The following SNX29 variants were observed in gnomAD, a reference collection of about 807,000 sequenced individuals.
SNX29 encodes sorting nexin 29.
In SNX29, 78 loss-of-function variants were observed where a neutral mutation model predicts 102.1. That is an observed-to-expected ratio of 0.76 (90% CI 0.64 to 0.92). The LOEUF is 0.92. Among genes scored for constraint, SNX29 ranks in the 40% least tolerant of loss-of-function variants. The pLI is 0.00. For synonymous variants in SNX29, 580 were observed against 414.5 expected (o/e 1.40, Z -4.85); for missense variants, 1,280 against 1,061.7 (o/e 1.21, Z -2.86).
At chr16:12,292,316 G>A (rs377356057) in intron 15 of SNX29, among the ~76,000 whole-genome samples, 1 of 152,188 alleles carries the variant, frequency 6.6e-6, no homozygotes, top group East Asian at 1.9e-4. Context: ...ACTAGAGAGA[G>A]TCTTTTAGGT....
chr16:12,108,370 C>T (rs1165826522), intron 11 of SNX29, among the ~76,000 whole-genome samples: 1 of 152,160 alleles, frequency 6.6e-6, no homozygotes, highest in African/African-American at 2.4e-5. Context: ...GAGTGGCTTC[C>T]ATGAGAAAAA....
At chr16:12,211,399 C>G (rs976031133) in intron 14 of SNX29, among the ~76,000 whole-genome samples, 1 of 152,144 alleles carries the variant, frequency 6.6e-6, no homozygotes, top group African/African-American at 2.4e-5. Flanking sequence ...TGCTGGGCCC[C>G]GGGGTAGCTT....
chr16:12,013,533 A>ATATATATC (rs2056746279), intron 3 of SNX29, among the ~76,000 whole-genome samples: 2 of 120,290 alleles, frequency 1.7e-5, no homozygotes, highest in African/African-American at 6.0e-5. Context: ...ATATATATAT[A>ATATATATC]TATATATATC....
intron 20 of SNX29, chr16:12,527,079 T>A (rs2076804620): frequency 2.3e-6 from 1 of 439,644 alleles, no homozygotes; most frequent in African/African-American, 2.0e-5. Context: ...AGACCCCAGT[T>A]GAAATTAAAC....
intron 15 of SNX29, among the ~76,000 whole-genome samples, chr16:12,297,015 T>C (rs543300663): frequency 1.3e-5 from 2 of 152,304 alleles, no homozygotes; most frequent in African/African-American, 4.8e-5. Flanking sequence ...ACTGTGATAA[T>C]CACAAATGTC....
At chr16:12,534,596 T>TC (rs1234062244) in intron 20 of SNX29, among the ~76,000 whole-genome samples, 2 of 152,192 alleles carry the variant, frequency 1.3e-5, no homozygotes, top group Non-Finnish European at 2.9e-5. Flanking sequence ...TCTGGTATTG[T>TC]CACCTGTTAA....
chr16:12,565,694 A>AG (rs1452727934), intron 20 of SNX29, among the ~76,000 whole-genome samples: 4 of 151,830 alleles, frequency 2.6e-5, no homozygotes, highest in African/African-American at 9.7e-5. Flanking sequence ...CCTTCCAGGA[A>AG]GGGGAAGCAG....
At chr16:12,333,670 C>G (rs1405851269) in intron 15 of SNX29, among the ~76,000 whole-genome samples, 1 of 152,066 alleles carries the variant, frequency 6.6e-6, no homozygotes, top group Non-Finnish European at 1.5e-5. Context: ...CCAGTCCGGA[C>G]TCTCTAATCT....
At chr16:12,465,300 G>T (rs985862655) in intron 18 of SNX29, among the ~76,000 whole-genome samples, 1 of 152,182 alleles carries the variant, frequency 6.6e-6, no homozygotes, top group Admixed American at 6.5e-5. Context: ...GCCAAGACTA[G>T]TGTCTACAAG....
intron 15 of SNX29, among the ~76,000 whole-genome samples, chr16:12,320,062 A>C (rs911257956): frequency 6.6e-6 from 1 of 152,154 alleles, no homozygotes; most frequent in East Asian, 1.9e-4. Context: ...ACCTCTCTGC[A>C]GTCACCTTCC....
chr16:12,175,970 C>T (rs752748918), intron 13 of SNX29, among the ~76,000 whole-genome samples: 6 of 152,000 alleles, frequency 3.9e-5, no homozygotes, highest in African/African-American at 1.2e-4. Flanking sequence ...TGTGTCATTG[C>T]GGTCCAGCCT....
intron 15 of SNX29, among the ~76,000 whole-genome samples, chr16:12,294,661 G>C (rs2079919656): frequency 6.6e-6 from 1 of 152,130 alleles, no homozygotes; most frequent in South Asian, 2.1e-4. Flanking sequence ...TCTCTGGGTA[G>C]GTTCAGGTCC....
At chr16:12,357,946 C>T (rs564821113) in intron 16 of SNX29, among the ~76,000 whole-genome samples, 1 of 152,280 alleles carries the variant, frequency 6.6e-6, no homozygotes, top group Non-Finnish European at 1.5e-5. Context: ...AAATTAGAGG[C>T]TTGGATTCAG....
intron 14 of SNX29, among the ~76,000 whole-genome samples, chr16:12,232,414 G>A (rs1236912619): frequency 2.0e-5 from 3 of 152,154 alleles, no homozygotes; most frequent in Non-Finnish European, 2.9e-5. Flanking sequence ...GTAATCCTTC[G>A]GAGACTGAGG....
intron 5 of SNX29, 36 bp downstream of exon 5, chr16:12,043,113 G>A (rs1296356352): frequency 6.2e-6 from 10 of 1,607,968 alleles, no homozygotes; most frequent in Non-Finnish European, 7.6e-6. Flanking sequence ...ATGGGATGGA[G>A]CAAGAGGTGA....
At chr16:11,981,827 C>T (rs16958792) in intron 1 of SNX29, among the ~76,000 whole-genome samples, 7 of 151,928 alleles carry the variant, frequency 4.6e-5, no homozygotes, top group East Asian at 1.9e-4. Context: ...GGACACCTGA[C>T]GGAAAGCCTC....
rs1430995543 is a variant in SNX29, at chr16:12,569,178, CATT to C, written c.*551_*553del. 4.8e-6 allele frequency: 1 copy of C among 207,482 alleles called. No homozygotes were observed. The highest frequency in any genetic ancestry group is 2.3e-5 in the African/African-American group (1 of 43,024). 12.9% of individuals were successfully genotyped at this position (207,482 alleles called of 1,614,324 possible). On this transcript the variant is annotated 3_prime_UTR_variant, in exon 21 of 21. Coordinates refer to ENST00000566228, the MANE Select transcript of SNX29 (RefSeq NM_032167.5). ...TTTCACTGCATTTTCCACCAACAGT[CATT>C]AGACACCTGGCACTGTCACAGCTCA...
chr16:12,142,785 A>G (rs533213334), intron 13 of SNX29, among the ~76,000 whole-genome samples: 175 of 150,676 alleles, frequency 1.2e-3, no homozygotes, highest in Admixed American at 2.0e-3. Flanking sequence ...CTGATCTCAA[A>G]CTCCTGACCT....
At chr16:12,185,592 C>T (rs2141863834) in intron 13 of SNX29, among the ~76,000 whole-genome samples, 1 of 152,296 alleles carries the variant, frequency 6.6e-6, no homozygotes, top group South Asian at 2.1e-4. Flanking sequence ...TCTGTCTCTG[C>T]TGCATGGCCC....
Sources: allele counts gnomAD v4.1 joint callset (sites outside exome capture counted in the v4.1 genomes callset), GRCh38; gene constraint gnomAD v4.1.1; transcripts MANE v1.5; gene names NCBI Gene and HGNC (gene_info 2026-07-23, HGNC 2026-07-21).